ASB7: variants seen among roughly 807,000 people sequenced by gnomAD.
ASB7 encodes ankyrin repeat and SOCS box protein 7.
A neutral mutation model predicts 32.5 loss-of-function variants in ASB7; 4 were observed. That is an observed-to-expected ratio of 0.12 (90% CI 0.06 to 0.28). ASB7 has a LOEUF of 0.28. Among genes scored for constraint, ASB7 ranks in the 10% least tolerant of loss-of-function variants. The pLI is 1.00. For synonymous variants in ASB7, 172 were observed against 155.6 expected (o/e 1.11, Z -0.78); for missense variants, 181 against 407.1 (o/e 0.44, Z 4.78).
chr15:100,646,002 A>T, intron 5 of ASB7: 1 of 473,988 alleles, frequency 2.1e-6, no homozygotes, highest in South Asian at 1.9e-5. Flanking sequence ...CCTCCATTTC[A>T]TCTTCTTCTG....
chr15:100,648,570 G>A lies in ASB7; in HGVS notation c.*108G>A. 1.0e-6 allele frequency: 1 copy of A among 986,746 alleles called. No individual in the cohort carries two copies. The highest frequency in any genetic ancestry group is 1.4e-6 in the Non-Finnish European group (1 of 706,358). 61.1% of individuals were successfully genotyped at this position (986,746 alleles called of 1,614,324 possible). A position where few individuals can be genotyped will look rare whatever the true frequency, so the allele number is the denominator to read the frequency against. On this transcript the variant is annotated 3_prime_UTR_variant, in exon 6 of 6. Coordinates refer to ENST00000332783, the MANE Select transcript of ASB7 (RefSeq NM_198243.3). ...CAATTTCTGATTTGCTGTGAAATCA[G>A]AAAGCAGGTATACACTTTTGGGTTT... is the stretch of plus-strand genomic sequence containing the variant.
At chr15:100,609,332 A>C (rs879404764) in intron 2 of ASB7, among the ~76,000 whole-genome samples, 11 of 152,250 alleles carry the variant, frequency 7.2e-5, no homozygotes, top group Non-Finnish European at 1.6e-4. Context: ...CTGTTTAGAA[A>C]GTGCAGGTGA....
At chr15:100,631,032 C>T (rs1255123923) in intron 5 of ASB7, among the ~76,000 whole-genome samples, 2 of 152,174 alleles carry the variant, frequency 1.3e-5, no homozygotes, top group African/African-American at 2.4e-5. Flanking sequence ...CCCCTTGGAG[C>T]GGGCCTTTGG....
intron 2 of ASB7, among the ~76,000 whole-genome samples, chr15:100,609,123 C>T (rs2039672668): frequency 6.6e-6 from 1 of 152,102 alleles, no homozygotes; most frequent in Admixed American, 6.5e-5. Flanking sequence ...ACATGGGGAA[C>T]CTGGCAAGGC....
Position 100,649,999 on chromosome 15 carries a change from C to T in ASB7, c.*1537C>T, listed in dbSNP as rs2040020603. ...GAACTAGGAGTTTTCTCTGGCTTCA[C>T]CTTTTTCAGAGCCAGCAGTGCTGTT... On this transcript the variant is annotated 3_prime_UTR_variant, in exon 6 of 6. Transcript: ENST00000332783. 1 of 152,252 alleles carries T rather than the reference C, an allele frequency of 6.6e-6. No homozygotes were observed. The highest frequency in any genetic ancestry group is 2.4e-5 in the African/African-American group (1 of 41,464). The allele number at this position is 152,252 out of a possible 1,614,324, so 9.4% of individuals were successfully genotyped here.
intron 5 of ASB7, among the ~76,000 whole-genome samples, chr15:100,630,771 T>C (rs1244492602): frequency 2.0e-5 from 3 of 152,210 alleles, no homozygotes; most frequent in Non-Finnish European, 4.4e-5. Context: ...TTGTGTGTAC[T>C]TAGCCATCCT....
intron 5 of ASB7, among the ~76,000 whole-genome samples, chr15:100,632,619 A>G (rs546086414): frequency 2.6e-5 from 4 of 152,238 alleles, no homozygotes; most frequent in Middle Eastern, 3.4e-3. Flanking sequence ...TGGGCACCGC[A>G]GCCCCAGGCA....
intron 5 of ASB7, among the ~76,000 whole-genome samples, chr15:100,630,463 G>C (rs1271367408): frequency 1.3e-5 from 2 of 152,190 alleles, no homozygotes; most frequent in African/African-American, 4.8e-5. Context: ...TAGAATTTGT[G>C]CTTTATTGCT....
Position 100,602,938 on chromosome 15 carries a change from G to A in ASB7, c.-381G>A, listed in dbSNP as rs1481489401. The A allele has an allele frequency of 5.0e-6, 2 of 398,914 alleles. No individual in the cohort carries two copies. The highest frequency in any genetic ancestry group is 8.8e-6 in the Non-Finnish European group (2 of 226,396). The allele number at this position is 398,914 out of a possible 1,614,324, so 24.7% of individuals were successfully genotyped here. ...GCTGGGGCCGTGAGGCACCGAGGAG[G>A]ATCAGGAACACCAGGGTCCGGCCCT... On this transcript the variant is annotated 5_prime_UTR_variant, in exon 1 of 6. Transcript: ENST00000332783.
Position 100,633,583 on chromosome 15 carries a change from A to G in ASB7, c.817+3541A>G, listed in dbSNP as rs142138575. On this transcript the variant is annotated intron_variant, in intron 5 of 5. Coordinates refer to ENST00000332783, the MANE Select transcript of ASB7 (RefSeq NM_198243.3). ...CAAGAGTGAAACTCTCTCAAGAAAA[A>G]AAAGAGGAAAGAGAGGAAAGGAAAG... 1.8e-3 allele frequency among the ~76,000 whole-genome samples: 271 copies of G among 152,094 alleles called. 3 individuals are homozygous for G. In the East Asian group the frequency reaches 0.02, roughly 11 times the overall value.
intron 4 of ASB7, among the ~76,000 whole-genome samples, chr15:100,614,094 G>A (rs1370406561): frequency 6.6e-6 from 1 of 152,016 alleles, no homozygotes; most frequent in African/African-American, 2.4e-5. Flanking sequence ...CCAACGTGGC[G>A]AAACCCCATC....
At chr15:100,635,355 G>A (rs973428087) in intron 5 of ASB7, among the ~76,000 whole-genome samples, 1 of 152,098 alleles carries the variant, frequency 6.6e-6, no homozygotes, top group Admixed American at 6.5e-5. Flanking sequence ...TGCTTATTTT[G>A]TCTCTCCAGA....
At chr15:100,646,010 C>G in intron 5 of ASB7, 1 of 464,752 alleles carries the variant, frequency 2.2e-6, no homozygotes. Context: ...TCATCTTCTT[C>G]TGTAGGGACA....
intron 5 of ASB7, chr15:100,638,484 G>A (rs1030691031): frequency 8.6e-5 from 13 of 152,024 alleles, no homozygotes; most frequent in African/African-American, 2.7e-4. Flanking sequence ...TGGTTCTCCC[G>A]GATACTCTGG....
In ASB7 at chr15:100,603,184, C is replaced by T. The variant is rs1596991701; in HGVS notation, c.-272-31C>T. On this transcript the variant is annotated intron_variant, in intron 1 of 5. Transcript: ENST00000332783. ...CTCCCCCCTCCCCACCTCTGAGACA[C>T]TACACCACTCACTGGTTTCTGTTTT... 9 of 391,308 alleles carry T rather than the reference C, an allele frequency of 2.3e-5. No individual in the cohort carries two copies. In the East Asian group the frequency reaches 2.5e-4, roughly 11 times the overall value. 24.2% of individuals were successfully genotyped at this position (391,308 alleles called of 1,614,324 possible).
intron 4 of ASB7, among the ~76,000 whole-genome samples, chr15:100,625,345 G>A (rs2039828708): frequency 6.6e-6 from 1 of 152,160 alleles, no homozygotes; most frequent in Non-Finnish European, 1.5e-5. Context: ...AACTACAAAT[G>A]TGTTCTAGAA....
intron 5 of ASB7, among the ~76,000 whole-genome samples, chr15:100,633,237 ATAAAT>A (rs923401843): frequency 1.2e-4 from 19 of 152,016 alleles, no homozygotes; most frequent in South Asian, 4.2e-4. Flanking sequence ...AATGGAATGA[ATAAAT>A]TAAAGAGAGA....
chr15:100,636,257 C>A (rs1479808173), intron 5 of ASB7, among the ~76,000 whole-genome samples: 2 of 152,174 alleles, frequency 1.3e-5, no homozygotes, highest in Non-Finnish European at 2.9e-5. Context: ...TCTGATGGAT[C>A]CATGAAAAGT....
chr15:100,645,460 A>T, intron 5 of ASB7: 1 of 478,464 alleles, frequency 2.1e-6, no homozygotes, highest in South Asian at 1.9e-5. Flanking sequence ...ACAGTTTATT[A>T]TCTGCTCCTC....
Sources: allele counts gnomAD v4.1 joint callset (sites outside exome capture counted in the v4.1 genomes callset), GRCh38; gene constraint gnomAD v4.1.1; transcripts MANE v1.5; gene names NCBI Gene and HGNC (gene_info 2026-07-23, HGNC 2026-07-21).